HCN1: variants seen among roughly 807,000 people sequenced by gnomAD.
HCN1 encodes the protein hyperpolarization activated cyclic nucleotide gated potassium channel 1, also known as potassium/sodium hyperpolarization-activated cyclic nucleotide-gated channel 1.
Under a neutral mutation model 78.9 loss-of-function variants are expected in HCN1, and 13 were observed. That is an observed-to-expected ratio of 0.16 (90% CI 0.11 to 0.26). The LOEUF (loss-of-function observed/expected upper bound fraction) is 0.26. HCN1 is among the 10% of genes least tolerant of loss of function. The pLI is 1.00. For synonymous variants in HCN1, 552 were observed against 455.5 expected (o/e 1.21, Z -2.70); for missense variants, 810 against 1,154.3 (o/e 0.70, Z 4.32).
intron 2 of HCN1, among the ~76,000 whole-genome samples, chr5:45,467,576 G>A (rs1741299816): frequency 6.6e-6 from 1 of 151,990 alleles, no homozygotes; most frequent in Non-Finnish European, 1.5e-5. Context: ...AGAGCAAACT[G>A]TGTAGCTTGT....
At chr5:45,408,355 T>C (rs1739965448) in intron 3 of HCN1, among the ~76,000 whole-genome samples, 1 of 152,154 alleles carries the variant, frequency 6.6e-6, no homozygotes, top group African/African-American at 2.4e-5. Flanking sequence ...CACACTGTTA[T>C]ACCCTTTTAT....
chr5:45,289,357 C>T (rs929075283), intron 6 of HCN1, among the ~76,000 whole-genome samples: 1 of 151,890 alleles, frequency 6.6e-6, no homozygotes, highest in Non-Finnish European at 1.5e-5. Flanking sequence ...AAATTTTGTA[C>T]CCTGGTTGCT....
chr5:45,326,460 C>A (rs1233411397), intron 5 of HCN1, among the ~76,000 whole-genome samples: 1 of 151,468 alleles, frequency 6.6e-6, no homozygotes, highest in African/African-American at 2.4e-5. Flanking sequence ...CAAAATGTTT[C>A]ATCTTATGTT....
chr5:45,373,321 T>C (rs1387085902), intron 4 of HCN1, among the ~76,000 whole-genome samples: 1 of 119,644 alleles, frequency 8.4e-6, no homozygotes, highest in African/African-American at 3.3e-5. Context: ...ATATAAAATA[T>C]ATATTTCATA....
chr5:45,514,580 C>T (rs894417524), intron 2 of HCN1, among the ~76,000 whole-genome samples: 1 of 152,086 alleles, frequency 6.6e-6, no homozygotes, highest in African/African-American at 2.4e-5. Flanking sequence ...AATGTTTAAG[C>T]GTTCTTTATC....
intron 2 of HCN1, among the ~76,000 whole-genome samples, chr5:45,574,046 A>G (rs1160975445): frequency 6.6e-6 from 1 of 152,144 alleles, no homozygotes; most frequent in Non-Finnish European, 1.5e-5. Flanking sequence ...CCCATTGAAT[A>G]TGGTAAAAGG....
intron 2 of HCN1, among the ~76,000 whole-genome samples, chr5:45,603,569 AACATAGC>A (rs1289026577): frequency 6.6e-6 from 1 of 152,058 alleles, no homozygotes; most frequent in African/African-American, 2.4e-5. Flanking sequence ...ATGGACTCTA[AACATAGC>A]ATTGAATGGT....
chr5:45,262,022 G>A lies in HCN1; in HGVS notation c.2572C>T (p.Pro858Ser). 6.2e-7 allele frequency: 1 copy of A among 1,614,098 alleles called. No homozygotes were observed. Among genetic ancestry groups the A allele is most frequent in the Non-Finnish European group, 8.5e-7 (1 of 1,180,014 alleles). Reference protein sequence around the residue: ...GAIPPNRGVPPAPPPPAAALP... With the variant: ...GAIPPNRGVPSAPPPPAAALP... ...GCAGCTGCTGGTGGAGGGGGTGCTG[G>A]AGGGACTCCTCGGTTCGGGGGGATG... is the stretch of plus-strand genomic sequence containing the variant. The change falls in exon 8 of 8, where the codon CCA becomes TCA. Residue 858 changes from proline (P) to serine (S), a missense_variant. This residue lies in a region of HCN1 where 398 missense variants were observed against 381.3 expected (regional missense o/e 1.04). Coordinates refer to ENST00000303230, the MANE Select transcript of HCN1 (RefSeq NM_021072.4).
chr5:45,505,096 T>G (rs988265283), intron 2 of HCN1, among the ~76,000 whole-genome samples: 1 of 152,202 alleles, frequency 6.6e-6, no homozygotes, highest in African/African-American at 2.4e-5. Flanking sequence ...TAGAAGCTCT[T>G]TAGTTTTAAT....
Position 45,261,334 on chromosome 5 carries a change from T to C in HCN1, c.*587A>G. 1 of 152,694 alleles carries C rather than the reference T, an allele frequency of 6.5e-6. No individual in the cohort carries two copies. Among genetic ancestry groups the C allele is most frequent in the East Asian group, 1.9e-4 (1 of 5,194 alleles). The allele number at this position is 152,694 out of a possible 1,614,324, so 9.5% of individuals were successfully genotyped here. A position where few individuals can be genotyped will look rare whatever the true frequency, so the allele number is the denominator to read the frequency against. On this transcript the variant is annotated 3_prime_UTR_variant, in exon 8 of 8. Coordinates refer to ENST00000303230, the MANE Select transcript of HCN1 (RefSeq NM_021072.4). Reference sequence around the variant, plus strand: ...GGTTAGTGATATTCTTAACAAACAGTGGCAATGCTAGTCTCCTACGGTGGC... The same window carrying C: ...GGTTAGTGATATTCTTAACAAACAGCGGCAATGCTAGTCTCCTACGGTGGC...
At chr5:45,297,058 C>T (rs1745510801) in intron 6 of HCN1, among the ~76,000 whole-genome samples, 1 of 151,972 alleles carries the variant, frequency 6.6e-6, no homozygotes, top group African/African-American at 2.4e-5. Flanking sequence ...GGTCTCACAG[C>T]CTTCAGAGCT....
At chr5:45,476,766 A>G (rs1741526350) in intron 2 of HCN1, among the ~76,000 whole-genome samples, 1 of 152,170 alleles carries the variant, frequency 6.6e-6, no homozygotes, top group Non-Finnish European at 1.5e-5. Flanking sequence ...GAAATGCTCC[A>G]AAATCCAAAA....
At chr5:45,617,174 T>G (rs894196868) in intron 2 of HCN1, among the ~76,000 whole-genome samples, 5 of 152,056 alleles carry the variant, frequency 3.3e-5, no homozygotes, top group African/African-American at 1.2e-4. Context: ...AGCTTTCAAT[T>G]GCTTGCACAT....
At chr5:45,341,156 C>T (rs1187582034) in intron 5 of HCN1, among the ~76,000 whole-genome samples, 1 of 152,056 alleles carries the variant, frequency 6.6e-6, no homozygotes, top group Non-Finnish European at 1.5e-5. Flanking sequence ...ATGAATCAGC[C>T]GTTCACAGAT....
intron 2 of HCN1, chr5:45,575,135 A>T (rs1561206649): frequency 6.6e-6 from 1 of 152,164 alleles, no homozygotes; most frequent in African/African-American, 2.4e-5. Flanking sequence ...TAGACCAAAC[A>T]TCCTTCTATT....
chr5:45,355,416 ACT>A (rs1746989228), intron 4 of HCN1, among the ~76,000 whole-genome samples: 1 of 151,822 alleles, frequency 6.6e-6, no homozygotes, highest in Non-Finnish European at 1.5e-5. Flanking sequence ...TGAATCAGAA[ACT>A]CTACATTTGG....
At chr5:45,348,319 G>A (rs1343383866) in intron 5 of HCN1, among the ~76,000 whole-genome samples, 9 of 151,856 alleles carry the variant, frequency 5.9e-5, no homozygotes, top group African/African-American at 2.2e-4. Flanking sequence ...CAAATGCTGA[G>A]AGATTTTGTC....
At chr5:45,496,578 A>G (rs892329017) in intron 2 of HCN1, among the ~76,000 whole-genome samples, 9 of 152,142 alleles carry the variant, frequency 5.9e-5, no homozygotes, top group African/African-American at 2.2e-4. Context: ...TATTGCGTCT[A>G]TTTGATACTT....
chr5:45,296,774 T>A (rs1745502072), intron 6 of HCN1, among the ~76,000 whole-genome samples: 1 of 151,990 alleles, frequency 6.6e-6, no homozygotes, highest in Non-Finnish European at 1.5e-5. Context: ...TCATCACTAT[T>A]GATCCTGGGG....
Sources: gnomAD v4.1 joint callset for allele counts (sites outside exome capture counted in the v4.1 genomes callset) on GRCh38, gnomAD v4.1.1 for gene constraint, gnomAD v4.1.1 regional missense constraint, MANE v1.5 for transcripts, NCBI Gene and HGNC (gene_info 2026-07-23, HGNC 2026-07-21) for gene names.